RALGAPA1: variants seen among roughly 807,000 people sequenced by gnomAD.
RALGAPA1 encodes the protein ral GTPase-activating protein subunit alpha-1.
Under a neutral mutation model 269.6 loss-of-function variants are expected in RALGAPA1, and 52 were observed. The observed-to-expected ratio is 0.19, with a 90% CI of 0.15 to 0.24. The LOEUF is 0.24. Ranked by LOEUF, RALGAPA1 falls within the 10% of genes least tolerant of loss-of-function variation. The pLI is 1.00. For missense variants in RALGAPA1, 1,917 were observed against 3,013.9 expected, an observed-to-expected ratio of 0.64 and a Z score of 8.52; for synonymous variants, 817 against 1,008.3, an observed-to-expected ratio of 0.81 and a Z score of 3.60.
intron 16 of RALGAPA1, chr14:35,716,118 G>T: frequency 1.0e-6 from 1 of 982,954 alleles, no homozygotes; most frequent in Non-Finnish European, 1.2e-6. Flanking sequence ...AGATGGTGAG[G>T]CATGGTGGCT....
intron 16 of RALGAPA1, chr14:35,707,730 G>C (rs908080548): frequency 1.8e-4 from 27 of 152,208 alleles, no homozygotes; most frequent in African/African-American, 6.3e-4. Flanking sequence ...TGGGCCTGGT[G>C]CTTTCTAATT....
intron 16 of RALGAPA1, among the ~76,000 whole-genome samples, chr14:35,700,782 A>G (rs1358821575): frequency 6.6e-6 from 1 of 152,206 alleles, no homozygotes; most frequent in Non-Finnish European, 1.5e-5. Flanking sequence ...TACCAAATAA[A>G]GTTTTCTAAA....
At chr14:35,640,617 AG>A (rs912053771) in intron 31 of RALGAPA1, among the ~76,000 whole-genome samples, 1 of 152,208 alleles carries the variant, frequency 6.6e-6, no homozygotes, top group African/African-American at 2.4e-5. Context: ...CACCAAAGAA[AG>A]GCCCAGGACC....
intron 31 of RALGAPA1, among the ~76,000 whole-genome samples, chr14:35,641,661 T>C (rs564075607): frequency 6.6e-6 from 1 of 152,216 alleles, no homozygotes; most frequent in Non-Finnish European, 1.5e-5. Context: ...TCAATAATCA[T>C]GTCCATACTA....
rs376796781 is a variant in RALGAPA1 at position 35,652,395 on chromosome 14, T to C, written c.5608-522A>G. Among the ~76,000 whole-genome samples the C allele has an allele frequency of 2.6e-4, 39 of 149,932 alleles. No homozygotes were observed. In the East Asian group the frequency reaches 5.5e-3, roughly 21 times the overall value. On this transcript the variant is annotated intron_variant, in intron 30 of 41. Coordinates refer to ENST00000680220, the MANE Select transcript of RALGAPA1 (RefSeq NM_001346249.2). ...ATATATATATATATACACACACACA[T>C]ATAAGGCTTTTTTAAAAATGTGACT...
At chr14:35,735,931 T>C (rs2070952475) in intron 12 of RALGAPA1, among the ~76,000 whole-genome samples, 1 of 152,212 alleles carries the variant, frequency 6.6e-6, no homozygotes, top group Non-Finnish European at 1.5e-5. Flanking sequence ...TAGACCATTA[T>C]AAAGACTTCT....
Position 35,549,225 on chromosome 14 carries a change from C to T in RALGAPA1, c.7506G>A (p.Glu2502=). 2 of 1,612,196 alleles carry T rather than the reference C, an allele frequency of 1.2e-6. No individual in the cohort carries two copies. Among genetic ancestry groups the T allele is most frequent in the South Asian group, 2.2e-5 (2 of 90,878 alleles). Residue 2502 remains glutamate (E), a synonymous_variant, in exon 40 of 42, where the codon GAG becomes GAA. Coordinates refer to ENST00000680220, the MANE Select transcript of RALGAPA1 (RefSeq NM_001346249.2). The stretch of plus-strand genomic sequence containing the variant: ...CAATTGTTTGCAGGTATCGTGCTCT[C>T]TCCTCATAGCTGATTTCCTTTGGTT... ...LIPLYQNFYE[E]RARYLQTIVQ...
intron 1 of RALGAPA1, among the ~76,000 whole-genome samples, chr14:35,777,214 A>G (rs892737794): frequency 6.6e-6 from 1 of 152,158 alleles, no homozygotes; most frequent in Non-Finnish European, 1.5e-5. Context: ...AGAACCTATT[A>G]ACGAAAAACA....
chr14:35,612,764 TC>T (rs1355269853), intron 35 of RALGAPA1, among the ~76,000 whole-genome samples: 1 of 152,082 alleles, frequency 6.6e-6, no homozygotes, highest in Non-Finnish European at 1.5e-5. Context: ...GGTCTCGATC[TC>T]CTGACCTCGT....
intron 27 of RALGAPA1, among the ~76,000 whole-genome samples, chr14:35,662,043 T>C (rs1170553601): frequency 6.6e-6 from 1 of 152,204 alleles, no homozygotes; most frequent in Non-Finnish European, 1.5e-5. Flanking sequence ...ACTGTGATGA[T>C]GGTTGCACAA....
intron 12 of RALGAPA1, among the ~76,000 whole-genome samples, chr14:35,737,759 CAAAAAAAAA>C (rs60152249): frequency 8.6e-4 from 15 of 17,416 alleles, no homozygotes; most frequent in East Asian, 4.8e-3. Context: ...AAATCCATCT[CAAAAAAAAA>C]AAAAAAAAAA....
chr14:35,563,956 C>T (rs1164039713), intron 39 of RALGAPA1, among the ~76,000 whole-genome samples: 6 of 152,082 alleles, frequency 3.9e-5, no homozygotes, highest in Non-Finnish European at 8.8e-5. Context: ...ATTCTAAGTA[C>T]GATTTCTACT....
At chr14:35,609,308 T>G (rs1216057429) in intron 35 of RALGAPA1, among the ~76,000 whole-genome samples, 4 of 151,968 alleles carry the variant, frequency 2.6e-5, no homozygotes, top group African/African-American at 9.7e-5. Flanking sequence ...ATATTTTTTA[T>G]CCACAATGGA....
intron 33 of RALGAPA1, among the ~76,000 whole-genome samples, chr14:35,628,904 G>A (rs1159504501): frequency 6.6e-6 from 1 of 151,794 alleles, no homozygotes; most frequent in Non-Finnish European, 1.5e-5. Flanking sequence ...ATAGGAAACA[G>A]TCAAAAGAGA....
At chr14:35,607,052 TAC>T (rs2059644117) in intron 35 of RALGAPA1, among the ~76,000 whole-genome samples, 1 of 152,204 alleles carries the variant, frequency 6.6e-6, no homozygotes, top group Admixed American at 6.5e-5. Context: ...AATAAGGGTC[TAC>T]ACAGCCTCTC....
At chr14:35,784,899 C>T (rs1287101078) in intron 1 of RALGAPA1, among the ~76,000 whole-genome samples, 1 of 152,112 alleles carries the variant, frequency 6.6e-6, no homozygotes, top group African/African-American at 2.4e-5. Context: ...TACAGTACTA[C>T]TGGTCATGCA....
At chr14:35,650,767 C>G (rs2062774391) in intron 31 of RALGAPA1, among the ~76,000 whole-genome samples, 1 of 152,048 alleles carries the variant, frequency 6.6e-6, no homozygotes, top group Admixed American at 6.5e-5. Flanking sequence ...GAATAGAACT[C>G]AAGATTGAGA....
At chr14:35,544,273 T>C (rs2139020014) in intron 41 of RALGAPA1, among the ~76,000 whole-genome samples, 1 of 152,298 alleles carries the variant, frequency 6.6e-6, no homozygotes, top group South Asian at 2.1e-4. Context: ...TTTAACAATT[T>C]ATAATTTGTA....
At chr14:35,569,916 G>A (rs1040015215) in intron 39 of RALGAPA1, among the ~76,000 whole-genome samples, 3 of 152,066 alleles carry the variant, frequency 2.0e-5, no homozygotes, top group African/African-American at 4.8e-5. Flanking sequence ...CTCCAGAGTC[G>A]TAGAGTACCT....
Sources: allele counts gnomAD v4.1 joint callset (sites outside exome capture counted in the v4.1 genomes callset), GRCh38; gene constraint gnomAD v4.1.1; transcripts MANE v1.5; gene names NCBI Gene and HGNC (gene_info 2026-07-23, HGNC 2026-07-21).